Variants in IGF2BP3 observed in about 807,000 individuals in gnomAD.
IGF2BP3 encodes the protein insulin like growth factor 2 mRNA binding protein 3.
Under a neutral mutation model 73.8 loss-of-function variants are expected in IGF2BP3, and 9 were observed. That is an observed-to-expected ratio of 0.12 (90% confidence interval 0.07 to 0.21). IGF2BP3 has a LOEUF of 0.21. Ranked by LOEUF, IGF2BP3 falls within the 10% of genes least tolerant of loss-of-function variation. The pLI is 1.00. For synonymous variants in IGF2BP3, 258 were observed against 256.7 expected, an observed-to-expected ratio of 1.01 and a Z score of -0.05; for missense variants, 542 against 714.0, an observed-to-expected ratio of 0.76 and a Z score of 2.75.
chr7:23,316,851 CAT>C (rs756990121), intron 12 of IGF2BP3, among the ~76,000 whole-genome samples: 3 of 152,082 alleles, frequency 2.0e-5, no homozygotes, highest in African/African-American at 4.8e-5. Flanking sequence ...CTGATTCATC[CAT>C]AGTCTGTTGA....
chr7:23,417,253 A>G (rs1327035026), intron 3 of IGF2BP3, among the ~76,000 whole-genome samples: 1 of 152,210 alleles, frequency 6.6e-6, no homozygotes, highest in East Asian at 1.9e-4. Context: ...TCAAAGGTGA[A>G]GAATTCCAAA....
intron 2 of IGF2BP3, among the ~76,000 whole-genome samples, chr7:23,434,632 A>G (rs1787765020): frequency 6.6e-6 from 1 of 152,172 alleles, no homozygotes; most frequent in South Asian, 2.1e-4. Flanking sequence ...ATCCTAGGTA[A>G]CTCAACTCTT....
chr7:23,422,670 C>T (rs1166183648), intron 2 of IGF2BP3, among the ~76,000 whole-genome samples: 1 of 152,206 alleles, frequency 6.6e-6, no homozygotes, highest in Non-Finnish European at 1.5e-5. Context: ...ATCCAACACC[C>T]ATTTAATTAT....
intron 11 of IGF2BP3, 59 bp from the exon 12 acceptor site, chr7:23,317,772 G>T: frequency 7.3e-7 from 1 of 1,362,378 alleles, no homozygotes; most frequent in Non-Finnish European, 1.1e-6. Context: ...AGGCATCTTG[G>T]GCCAACCAGC....
At chr7:23,345,225 G>C (rs186299094) in intron 8 of IGF2BP3, among the ~76,000 whole-genome samples, 1 of 152,160 alleles carries the variant, frequency 6.6e-6, no homozygotes, top group Non-Finnish European at 1.5e-5. Flanking sequence ...ACCTTTCCAC[G>C]TAATTTCAGA....
chr7:23,456,295 A>G (rs1788315889), intron 2 of IGF2BP3, among the ~76,000 whole-genome samples: 1 of 151,370 alleles, frequency 6.6e-6, no homozygotes, highest in African/African-American at 2.4e-5. Context: ...TTTAACCACT[A>G]TTACCACAGG....
At chr7:23,321,994 G>A (rs1769727567) in intron 10 of IGF2BP3, among the ~76,000 whole-genome samples, 2 of 152,242 alleles carry the variant, frequency 1.3e-5, no homozygotes, top group South Asian at 4.1e-4. Context: ...AAAAAAACTG[G>A]AAACTCTTAA....
intron 3 of IGF2BP3, among the ~76,000 whole-genome samples, chr7:23,406,001 A>T (rs891178101): frequency 4.6e-5 from 7 of 151,916 alleles, no homozygotes; most frequent in Admixed American, 4.6e-4. Flanking sequence ...ACAACCGGTG[A>T]GTTCTCTTCA....
In IGF2BP3 at chr7:23,311,755, AAAAG is replaced by A. The variant is rs1441250272; in HGVS notation, c.*603_*606del. 2.0e-5 allele frequency: 3 copies of A among 152,626 alleles called. No homozygotes were observed. The highest frequency in any genetic ancestry group is 2.9e-5 in the Non-Finnish European group (2 of 68,042). 9.5% of individuals were successfully genotyped at this position (152,626 alleles called of 1,614,324 possible). A position where few individuals can be genotyped will look rare whatever the true frequency, so the allele number is the denominator to read the frequency against. ...TATAAAGTATATAAAATTTTCAAAA[AAAAG>A]GAACAATTTTGCTTTTCATTGTATT... On this transcript the variant is annotated 3_prime_UTR_variant, in exon 15 of 15. Coordinates refer to ENST00000258729, the MANE Select transcript of IGF2BP3 (RefSeq NM_006547.3).
At chr7:23,408,024 T>G (rs1167505244) in intron 3 of IGF2BP3, among the ~76,000 whole-genome samples, 1 of 151,076 alleles carries the variant, frequency 6.6e-6, no homozygotes, top group Non-Finnish European at 1.5e-5. Flanking sequence ...TATCAATTCA[T>G]GCAGAAAAAG....
At chr7:23,346,823 C>T (rs139841098) in intron 7 of IGF2BP3, among the ~76,000 whole-genome samples, 58 of 152,136 alleles carry the variant, frequency 3.8e-4, no homozygotes, top group Middle Eastern at 3.4e-3. Flanking sequence ...GATCTCTTGA[C>T]CTCATGATCC....
intron 2 of IGF2BP3, among the ~76,000 whole-genome samples, chr7:23,441,899 C>T (rs1289417433): frequency 2.0e-5 from 3 of 151,954 alleles, no homozygotes; most frequent in South Asian, 4.1e-4. Flanking sequence ...CAGAGGCGGG[C>T]GGATCACCTG....
At chr7:23,370,143 C>A (rs1374420642) in intron 3 of IGF2BP3, among the ~76,000 whole-genome samples, 1 of 152,192 alleles carries the variant, frequency 6.6e-6, no homozygotes, top group Non-Finnish European at 1.5e-5. Context: ...CTAGTCACGC[C>A]CTCAAAACTG....
intron 3 of IGF2BP3, among the ~76,000 whole-genome samples, chr7:23,387,352 A>C (rs1786116649): frequency 1.3e-5 from 2 of 152,224 alleles, no homozygotes; most frequent in African/African-American, 4.8e-5. Context: ...AAACTGTCAC[A>C]GTCAGTCAAG....
At chr7:23,415,490 C>T (rs1787162963) in intron 3 of IGF2BP3, 2 of 242,052 alleles carry the variant, frequency 8.3e-6, no homozygotes, top group Non-Finnish European at 1.6e-5. Flanking sequence ...TCCGCAGGTC[C>T]CCCTCCGTCA....
intron 5 of IGF2BP3, among the ~76,000 whole-genome samples, chr7:23,358,408 A>G (rs1411848763): frequency 6.6e-6 from 1 of 152,206 alleles, no homozygotes; most frequent in Non-Finnish European, 1.5e-5. Context: ...AAATGACACC[A>G]GGTTGGTTTA....
At position 23,444,744 on chromosome 7, in the gene IGF2BP3, A is replaced by G. The variant is rs1788019575; in HGVS notation, c.236+23738T>C. 1.6e-4 allele frequency among the ~76,000 whole-genome samples: 9 copies of G among 57,242 alleles called. No individual in the cohort carries two copies. In the South Asian group the frequency reaches 4.2e-3, roughly 27 times the overall value. 37.6% of individuals were successfully genotyped at this position (57,242 alleles called of 152,430 possible). A position where few individuals can be genotyped will look rare whatever the true frequency, so the allele number is the denominator to read the frequency against. On this transcript the variant is annotated intron_variant, in intron 2 of 14. Coordinates refer to ENST00000258729, the MANE Select transcript of IGF2BP3 (RefSeq NM_006547.3). ...GGTGACAGAGCAAGACTCTGTCTCA[A>G]AAAAAAAAAAAAAAAAAAAAATTGC...
chr7:23,459,434 C>A (rs1379521518), intron 2 of IGF2BP3, among the ~76,000 whole-genome samples: 2 of 152,150 alleles, frequency 1.3e-5, no homozygotes, highest in Non-Finnish European at 2.9e-5. Context: ...CCTAAAATAA[C>A]CAGGTAAAGG....
intron 10 of IGF2BP3, among the ~76,000 whole-genome samples, chr7:23,327,757 T>G (rs1179848465): frequency 6.6e-6 from 1 of 152,162 alleles, no homozygotes; most frequent in Non-Finnish European, 1.5e-5. Context: ...TGCCATTTAA[T>G]GTCGGACTAC....
Sources: allele counts gnomAD v4.1 joint callset (sites outside exome capture counted in the v4.1 genomes callset), GRCh38; gene constraint gnomAD v4.1.1; transcripts MANE v1.5; gene names NCBI Gene and HGNC (gene_info 2026-07-23, HGNC 2026-07-21).